DHX15: variants seen among roughly 807,000 people sequenced by gnomAD.
DHX15 encodes the protein DEAH-box helicase 15.
DHX15 carries 11 observed loss-of-function variants against 94.4 expected under a neutral mutation model. The ratio of observed to expected loss-of-function variants is 0.12; its 90% CI spans 0.07 to 0.19. The LOEUF (loss-of-function observed/expected upper bound fraction) is 0.19. Ranked by LOEUF, DHX15 falls within the 10% of genes least tolerant of loss-of-function variation. The pLI, the probability that DHX15 is intolerant of heterozygous loss-of-function variation, is 1.00. For missense variants in DHX15, 304 were observed against 988.5 expected, an observed-to-expected ratio of 0.31 and a Z score of 9.29; for synonymous variants, 338 against 329.9, an observed-to-expected ratio of 1.02 and a Z score of -0.27.
At chr4:24,564,750 C>T (rs1215649059) in intron 3 of DHX15, among the ~76,000 whole-genome samples, 2 of 152,132 alleles carry the variant, frequency 1.3e-5, no homozygotes, top group Non-Finnish European at 2.9e-5. Context: ...AATAGCACTA[C>T]ATATAGCAAA....
chr4:24,569,513 A>G (rs1303754502), intron 3 of DHX15, among the ~76,000 whole-genome samples: 2 of 138,278 alleles, frequency 1.4e-5, no homozygotes, highest in Non-Finnish European at 3.0e-5. Context: ...AATCGCTTGA[A>G]CCCGGGAGGC....
chr4:24,539,166 TAC>T (rs1173836425), intron 10 of DHX15: 2 of 152,058 alleles, frequency 1.3e-5, no homozygotes, highest in African/African-American at 2.4e-5. Flanking sequence ...GAATATACCA[TAC>T]GTCTAAACTA....
At chr4:24,558,803 A>T (rs1320263735) in intron 3 of DHX15, among the ~76,000 whole-genome samples, 1 of 152,164 alleles carries the variant, frequency 6.6e-6, no homozygotes, top group East Asian at 1.9e-4. Context: ...TTTCCAGTGA[A>T]GAAAACGAAA....
intron 3 of DHX15, among the ~76,000 whole-genome samples, chr4:24,566,544 G>A (rs941497809): frequency 6.6e-6 from 1 of 152,112 alleles, no homozygotes; most frequent in Non-Finnish European, 1.5e-5. Context: ...CCAACTTCCT[G>A]GCCGGGAGCA....
chr4:24,542,919 A>C, intron 7 of DHX15, 21 bp downstream of exon 7: 1 of 1,570,552 alleles, frequency 6.4e-7, no homozygotes, highest in South Asian at 1.1e-5. Context: ...CTAATTTATA[A>C]AGTATCCACT....
intron 3 of DHX15, 132 bp from the exon 4 acceptor site, chr4:24,556,542 G>C: frequency 1.4e-6 from 1 of 697,118 alleles, no homozygotes. Flanking sequence ...ATGTGCTACT[G>C]TTTCATGATC....
chr4:24,536,605 C>T (rs564665550), intron 11 of DHX15, among the ~76,000 whole-genome samples: 45 of 152,144 alleles, frequency 3.0e-4, no homozygotes, highest in Non-Finnish European at 5.6e-4. Flanking sequence ...TTAGAGACCA[C>T]TGGTAGCCTA....
intron 3 of DHX15, among the ~76,000 whole-genome samples, chr4:24,556,771 G>A (rs948308399): frequency 1.3e-5 from 2 of 152,000 alleles, no homozygotes; most frequent in African/African-American, 2.4e-5. Flanking sequence ...TATTCAACAC[G>A]CAAAATCTAA....
chr4:24,540,001 A>G, intron 10 of DHX15, 107 bp downstream of exon 10: 2 of 750,926 alleles, frequency 2.7e-6, no homozygotes, highest in South Asian at 6.0e-5. Context: ...CCTTAAAACC[A>G]TCTATAAAAT....
Position 24,576,225 on chromosome 4 carries a change from T to G in DHX15, c.507+18A>C. ...TTAAACATAAATGAAATATGTACCA[T>G]GGTATACAATAACTCACCTGTGTTG... On this transcript the variant is annotated intron_variant, in intron 2 of 13. Coordinates refer to ENST00000336812, the MANE Select transcript of DHX15 (RefSeq NM_001358.3). 1.9e-6 allele frequency: 3 copies of G among 1,587,786 alleles called. No individual in the cohort carries two copies. The highest frequency in any genetic ancestry group is 2.6e-6 in the Non-Finnish European group (3 of 1,157,358).
At chr4:24,548,705 A>T (rs1721517135) in intron 6 of DHX15, 150 bp downstream of exon 6, 2 of 699,184 alleles carry the variant, frequency 2.9e-6, no homozygotes, top group Non-Finnish European at 4.4e-6. Context: ...TAGGGTCAAG[A>T]GATATGCGGA....
intron 3 of DHX15, among the ~76,000 whole-genome samples, chr4:24,569,861 C>G (rs1434897155): frequency 6.6e-6 from 1 of 152,194 alleles, no homozygotes; most frequent in Non-Finnish European, 1.5e-5. Flanking sequence ...GCCTTGAACT[C>G]CTGGCCTCAA....
intron 3 of DHX15, among the ~76,000 whole-genome samples, chr4:24,561,433 T>A (rs916075169): frequency 6.6e-6 from 1 of 152,194 alleles, no homozygotes; most frequent in African/African-American, 2.4e-5. Flanking sequence ...GAATTACCAG[T>A]TGACCCAGCA....
At chr4:24,553,729 A>C (rs1362936525) in intron 5 of DHX15, among the ~76,000 whole-genome samples, 2 of 151,434 alleles carry the variant, frequency 1.3e-5, no homozygotes, top group Non-Finnish European at 2.9e-5. Flanking sequence ...GTGAGCCGAT[A>C]ATCATGCCAC....
intron 1 of DHX15, chr4:24,584,104 G>A (rs978063786): frequency 1.4e-5 from 8 of 564,128 alleles, no homozygotes; most frequent in Non-Finnish European, 2.5e-5. Flanking sequence ...TCCACCCTCC[G>A]GACTGGGCTG....
At chr4:24,583,246 G>C (rs1034969327) in intron 1 of DHX15, among the ~76,000 whole-genome samples, 3 of 152,108 alleles carry the variant, frequency 2.0e-5, no homozygotes, top group African/African-American at 7.2e-5. Flanking sequence ...AAACACACAA[G>C]GGACAAGAAA....
At chr4:24,559,999 T>A (rs748543488) in intron 3 of DHX15, among the ~76,000 whole-genome samples, 2 of 152,176 alleles carry the variant, frequency 1.3e-5, no homozygotes, top group African/African-American at 2.4e-5. Flanking sequence ...CTGTGACTGC[T>A]TAATAAAATA....
At chr4:24,557,480 G>A (rs1462387444) in intron 3 of DHX15, among the ~76,000 whole-genome samples, 1 of 152,072 alleles carries the variant, frequency 6.6e-6, no homozygotes, top group African/African-American at 2.4e-5. Flanking sequence ...GCCATCTGCT[G>A]GAGCATTAAG....
intron 3 of DHX15, among the ~76,000 whole-genome samples, chr4:24,568,945 TAA>T (rs1261770021): frequency 6.6e-6 from 1 of 152,196 alleles, no homozygotes; most frequent in Non-Finnish European, 1.5e-5. Flanking sequence ...ATATGTCCCA[TAA>T]AGTCATAAGG....
Sources: gnomAD v4.1 joint callset for allele counts (sites outside exome capture counted in the v4.1 genomes callset) on GRCh38, gnomAD v4.1.1 for gene constraint, MANE v1.5 for transcripts, NCBI Gene and HGNC (gene_info 2026-07-23, HGNC 2026-07-21) for gene names.